Variants in SPRED2 observed in about 807,000 individuals in gnomAD.
SPRED2 encodes sprouty-related, EVH1 domain-containing protein 2.
SPRED2 carries 47 observed loss-of-function variants against 43.0 expected under a neutral mutation model. The observed-to-expected ratio is 1.09, with a 90% CI of 0.87 to 1.40. SPRED2 has a LOEUF of 1.40. Ranked by LOEUF, SPRED2 falls within the 40% of genes most tolerant of loss-of-function variation. The pLI, the probability that SPRED2 is intolerant of heterozygous loss-of-function variation, is 0.00. For synonymous variants in SPRED2, 225 were observed against 225.7 expected (o/e 1.00, Z 0.03); for missense variants, 561 against 586.4 (o/e 0.96, Z 0.45).
chr2:65,356,821 G>A (rs1325266441), intron 1 of SPRED2, among the ~76,000 whole-genome samples: 5 of 151,866 alleles, frequency 3.3e-5, no homozygotes, highest in East Asian at 3.9e-4. Flanking sequence ...GTGAAACCCC[G>A]TCTCTACTAA....
chr2:65,417,681 T>C (rs560630860), intron 1 of SPRED2, among the ~76,000 whole-genome samples: 1 of 152,316 alleles, frequency 6.6e-6, no homozygotes, highest in African/African-American at 2.4e-5. Context: ...CCAGATGATA[T>C]CTCACTGATC....
downstream of SPRED2, among the ~76,000 whole-genome samples, chr2:65,309,116 A>G (rs891999219): frequency 5.9e-5 from 9 of 151,268 alleles, no homozygotes; most frequent in Non-Finnish European, 1.0e-4. Flanking sequence ...AGATCATAAC[A>G]CTGCACTCCA....
At chr2:65,346,108 C>A (rs1333834240) in intron 1 of SPRED2, among the ~76,000 whole-genome samples, 1 of 152,174 alleles carries the variant, frequency 6.6e-6, no homozygotes, top group Non-Finnish European at 1.5e-5. Flanking sequence ...ACCCTGGGCA[C>A]TCAGAACCTG....
intron 1 of SPRED2, among the ~76,000 whole-genome samples, chr2:65,357,445 A>C (rs376278207): frequency 1.3e-5 from 2 of 152,348 alleles, no homozygotes; most frequent in African/African-American, 4.8e-5. Flanking sequence ...GGAAAAATTA[A>C]AATCCAGACT....
intron 4 of SPRED2, among the ~76,000 whole-genome samples, chr2:65,327,559 G>A (rs1230211312): frequency 1.3e-5 from 2 of 152,034 alleles, no homozygotes; most frequent in African/African-American, 2.4e-5. Flanking sequence ...AGAAGATAAA[G>A]GAGTCCCCAC....
In SPRED2 at chr2:65,334,887, C is replaced by A; in HGVS notation, c.205-114G>T. ...TGGCAACTACCAAAACCCCTCTAAC[C>A]CCTGCCTTCACATATCTGTGAGTCT... On this transcript the variant is annotated intron_variant, in intron 2 of 5. Transcript: ENST00000356388. 4 of 1,050,626 alleles carry A rather than the reference C, an allele frequency of 3.8e-6. No individual in the cohort carries two copies. In the Admixed American group the frequency reaches 6.2e-5, roughly 16 times the overall value. The allele number at this position is 1,050,626 out of a possible 1,614,324, so 65.1% of individuals were successfully genotyped here. A position where few individuals can be genotyped will look rare whatever the true frequency, so the allele number is the denominator to read the frequency against.
At chr2:65,363,213 T>A (rs1261554729) in intron 1 of SPRED2, among the ~76,000 whole-genome samples, 1 of 118,220 alleles carries the variant, frequency 8.5e-6, no homozygotes, top group South Asian at 2.7e-4. Flanking sequence ...CACTCCACCC[T>A]GGGCAATAAG....
chr2:65,418,355 C>T (rs943200427), intron 1 of SPRED2, among the ~76,000 whole-genome samples: 5 of 152,166 alleles, frequency 3.3e-5, no homozygotes, highest in Admixed American at 1.3e-4. Context: ...TAAACTCAGA[C>T]ATGGAGTGTC....
intron 2 of SPRED2, among the ~76,000 whole-genome samples, chr2:65,339,966 G>T (rs1184031668): frequency 6.6e-6 from 1 of 152,086 alleles, no homozygotes; most frequent in Non-Finnish European, 1.5e-5. Context: ...ATATATTACA[G>T]ATTAAAAGCA....
Position 65,313,311 on chromosome 2 carries a change from C to G in SPRED2, c.*190G>C, listed in dbSNP as rs1342812669. On this transcript the variant is annotated 3_prime_UTR_variant, in exon 6 of 6. Coordinates refer to ENST00000356388, the MANE Select transcript of SPRED2 (RefSeq NM_181784.3). Reference sequence around the variant, plus strand: ...ATGGATGTGGCTGCTGCAGTGTGGGCGGCAGGGGGAGTGGAGAGTCTACCC... The same window carrying G: ...ATGGATGTGGCTGCTGCAGTGTGGGGGGCAGGGGGAGTGGAGAGTCTACCC... 7.0e-7 allele frequency: 1 copy of G among 1,432,984 alleles called. No individual in the cohort carries two copies. The highest frequency in any genetic ancestry group is 9.1e-7 in the Non-Finnish European group (1 of 1,099,998). 88.8% of individuals were successfully genotyped at this position (1,432,984 alleles called of 1,614,324 possible).
chr2:65,330,107 C>A (rs1334733772), intron 4 of SPRED2, among the ~76,000 whole-genome samples: 1 of 152,316 alleles, frequency 6.6e-6, no homozygotes, highest in East Asian at 1.9e-4. Context: ...TCCCTCATCT[C>A]TCAACCAGAC....
intron 1 of SPRED2, among the ~76,000 whole-genome samples, chr2:65,355,433 A>T (rs534607520): frequency 6.6e-6 from 1 of 152,296 alleles, no homozygotes; most frequent in African/African-American, 2.4e-5. Flanking sequence ...AATAAAATTT[A>T]TGGCCAAGTG....
intron 1 of SPRED2, among the ~76,000 whole-genome samples, chr2:65,357,645 A>AC (rs1460120204): frequency 6.6e-6 from 1 of 152,208 alleles, no homozygotes; most frequent in Non-Finnish European, 1.5e-5. Flanking sequence ...TGGATAGGCA[A>AC]CTGATTGTGA....
intron 1 of SPRED2, among the ~76,000 whole-genome samples, chr2:65,370,883 C>G (rs574660651): frequency 6.6e-6 from 1 of 152,122 alleles, no homozygotes; most frequent in Non-Finnish European, 1.5e-5. Context: ...TCCCCTCCCC[C>G]GAAGTCACAT....
chr2:65,341,104 CGTGTGTGT>C (rs60332643), intron 2 of SPRED2, among the ~76,000 whole-genome samples: 11 of 137,174 alleles, frequency 8.0e-5, no homozygotes, highest in African/African-American at 1.7e-4. Flanking sequence ...TGGGTACGGG[CGTGTGTGT>C]GTGTGTGTGT....
intron 1 of SPRED2, among the ~76,000 whole-genome samples, chr2:65,408,395 G>A (rs1170886069): frequency 1.3e-5 from 2 of 152,138 alleles, no homozygotes; most frequent in Non-Finnish European, 2.9e-5. Context: ...CAGCTCCCCT[G>A]ACTTTGAGGC....
At position 65,344,794 on chromosome 2, in the gene SPRED2, G is replaced by A; in HGVS notation, c.129C>T (p.Val43=). 1.2e-6 allele frequency: 2 copies of A among 1,614,126 alleles called. No individual in the cohort carries two copies. The highest frequency in any genetic ancestry group is 2.2e-5 in the South Asian group (2 of 91,078). Residue 43 remains valine (V), a synonymous_variant, in exon 2 of 6, where the codon GTC becomes GTT. Coordinates refer to ENST00000356388, the MANE Select transcript of SPRED2 (RefSeq NM_181784.3). ...QEGGGISRVG[V]CKVMHPEGNG... is the part of the protein sequence containing the mutation. ...TGCCTTCGGGGTGCATGACCTTACA[G>A]ACCCCGACGCGACTGATCCCGCCTC...
At chr2:65,323,859 G>A (rs190166472) in intron 4 of SPRED2, among the ~76,000 whole-genome samples, 186 of 152,202 alleles carry the variant, frequency 1.2e-3, no homozygotes, top group Non-Finnish European at 2.1e-3. Flanking sequence ...CTGGGCGACA[G>A]AGCAAGACTC....
chr2:65,316,851 C>T lies in SPRED2; in HGVS notation c.471G>A (p.Gln157=). 1 of 1,613,882 alleles carries T rather than the reference C, an allele frequency of 6.2e-7. No individual in the cohort carries two copies. The highest frequency in any genetic ancestry group is 8.5e-7 in the Non-Finnish European group (1 of 1,179,976). ...TATDSSSNSS[Q]KREQPTRTIS... ...TTGTCCGAGTAGGTTGCTCTCTCTT[C>T]TGAGAGGAATTAGAAGAACTGTCTG... The change falls in exon 5 of 6, where the codon CAG becomes CAA. Residue 157 remains glutamine, a synonymous_variant. Transcript: ENST00000356388.
Sources: gnomAD v4.1 joint callset for allele counts (sites outside exome capture counted in the v4.1 genomes callset) on GRCh38, gnomAD v4.1.1 for gene constraint, MANE v1.5 for transcripts, NCBI Gene and HGNC (gene_info 2026-07-23, HGNC 2026-07-21) for gene names.